Variants in CWC27 observed in about 807,000 individuals in gnomAD.
CWC27 encodes spliceosome-associated protein CWC27 homolog.
A neutral mutation model predicts 63.6 loss-of-function variants in CWC27; 47 were observed. That is an observed-to-expected ratio of 0.74 (90% CI 0.58 to 0.94). The LOEUF (loss-of-function observed/expected upper bound fraction) is 0.94, where lower values mean the gene tolerates loss of function less well. CWC27 is among the 40% of genes least tolerant of loss of function. The pLI is 0.00. For synonymous variants in CWC27, 175 were observed against 179.8 expected, an observed-to-expected ratio of 0.97 and a Z score of 0.22; for missense variants, 495 against 554.3, an observed-to-expected ratio of 0.89 and a Z score of 1.07.
chr5:64,804,190 A>G lies in CWC27; in HGVS notation c.781-39A>G, dbSNP rs376548134. On this transcript the variant is annotated intron_variant, in intron 9 of 13. Transcript: ENST00000381070. ...TAGATCTCTAGAAATGAAAGGGGAA[A>G]TTGAGCACCTGGCAAATACTCATTT... 92 of 1,550,506 alleles carry G rather than the reference A, an allele frequency of 5.9e-5. No homozygotes were observed. The African/African-American group carries it at 1.1e-3, about 19-fold the overall frequency.
intron 1 of CWC27, among the ~76,000 whole-genome samples, chr5:64,774,149 G>A (rs537876646): frequency 6.6e-6 from 1 of 152,082 alleles, no homozygotes; most frequent in Non-Finnish European, 1.5e-5. Context: ...CATTATTGGG[G>A]TTTTGTCATG....
intron 10 of CWC27, among the ~76,000 whole-genome samples, chr5:64,869,905 C>T (rs534106034): frequency 6.6e-6 from 1 of 151,902 alleles, no homozygotes; most frequent in Non-Finnish European, 1.5e-5. Flanking sequence ...TGGAAAAATA[C>T]AAAAACTTCC....
intron 11 of CWC27, among the ~76,000 whole-genome samples, chr5:64,901,013 C>T (rs1056516946): frequency 6.6e-6 from 1 of 151,008 alleles, no homozygotes; most frequent in Non-Finnish European, 1.5e-5. Context: ...TTTTTTTTAG[C>T]TCATCAGCTA....
At chr5:64,782,320 C>G (rs376718377) in intron 3 of CWC27, among the ~76,000 whole-genome samples, 5 of 151,970 alleles carry the variant, frequency 3.3e-5, no homozygotes, top group Non-Finnish European at 7.4e-5. Flanking sequence ...TGGTGGCACA[C>G]GCCTGTATTC....
At position 64,961,420 on chromosome 5, in the gene CWC27, C is replaced by T. The variant is rs866725039; in HGVS notation, c.1043-10283C>T. ...AGCCCTTTCATATATATATATATAT[C>T]TCCTATTTTTATCTCATACATAACT... On this transcript the variant is annotated intron_variant, in intron 11 of 13. Coordinates refer to ENST00000381070, the MANE Select transcript of CWC27 (RefSeq NM_005869.4). Among the ~76,000 whole-genome samples the T allele has an allele frequency of 2.8e-4, 43 of 151,558 alleles. No homozygotes were observed. The Middle Eastern group carries it at 0.01, about 36-fold the overall frequency.
chr5:64,982,147 A>G (rs1398830432), intron 13 of CWC27, among the ~76,000 whole-genome samples: 1 of 152,204 alleles, frequency 6.6e-6, no homozygotes, highest in Non-Finnish European at 1.5e-5. Context: ...CAGATGTAAA[A>G]AAGAGATTAT....
intron 10 of CWC27, among the ~76,000 whole-genome samples, chr5:64,858,673 T>C (rs1419035426): frequency 6.6e-6 from 1 of 151,784 alleles, no homozygotes; most frequent in African/African-American, 2.4e-5. Flanking sequence ...TCAAATCATA[T>C]TCAGGGCAAT....
intron 11 of CWC27, among the ~76,000 whole-genome samples, chr5:64,961,968 A>G (rs773780393): frequency 3.9e-5 from 6 of 152,200 alleles, no homozygotes; most frequent in Non-Finnish European, 8.8e-5. Flanking sequence ...ATGAATAGTC[A>G]TTATAATGCA....
rs73760007 is a variant in CWC27 at position 64,961,096 on chromosome 5, T to A, written c.1043-10607T>A. On this transcript the variant is annotated intron_variant, in intron 11 of 13. Transcript: ENST00000381070. ...TAGCCAATGAAGAGACTCAAGTGGA[T>A]TGAAGATTAAGTTTCTGACTAGCTC... Among the ~76,000 whole-genome samples, 570 of 152,274 alleles carry A rather than the reference T, an allele frequency of 3.7e-3. 5 individuals are homozygous for A. The highest frequency in any genetic ancestry group is 0.013 in the African/African-American group (536 of 41,550).
At chr5:64,791,864 A>AT (rs1744091155) in intron 7 of CWC27, among the ~76,000 whole-genome samples, 1 of 151,866 alleles carries the variant, frequency 6.6e-6, no homozygotes, top group African/African-American at 2.4e-5. Context: ...TTTTTCATAT[A>AT]TTTTTTCATT....
intron 10 of CWC27, among the ~76,000 whole-genome samples, chr5:64,873,760 C>T (rs979574581): frequency 6.6e-6 from 1 of 152,022 alleles, no homozygotes; most frequent in African/African-American, 2.4e-5. Context: ...TGCCCTAAAC[C>T]AATGTCCTGA....
At chr5:64,951,771 T>G (rs1429415146) in intron 11 of CWC27, among the ~76,000 whole-genome samples, 1 of 151,990 alleles carries the variant, frequency 6.6e-6, no homozygotes, top group Non-Finnish European at 1.5e-5. Context: ...ATCTTTTCAC[T>G]TAGCACAATG....
intron 11 of CWC27, among the ~76,000 whole-genome samples, chr5:64,915,155 G>T (rs1426958842): frequency 6.6e-6 from 1 of 152,144 alleles, no homozygotes; most frequent in Non-Finnish European, 1.5e-5. Context: ...GTTTTCAGAA[G>T]AAAGTTTGTT....
At chr5:64,936,619 G>A (rs535773837) in intron 11 of CWC27, among the ~76,000 whole-genome samples, 75 of 152,312 alleles carry the variant, frequency 4.9e-4, no homozygotes, top group African/African-American at 1.7e-3. Flanking sequence ...CTGATAAAAT[G>A]AGTTAGGGAG....
At position 64,829,990 on chromosome 5, in the gene CWC27, T is replaced by C. The variant is rs1342998593; in HGVS notation, c.938+25604T>C. Among the ~76,000 whole-genome samples the C allele has an allele frequency of 2.6e-5, 4 of 151,106 alleles. No homozygotes were observed. In the South Asian group the frequency reaches 8.4e-4, roughly 32 times the overall value. On this transcript the variant is annotated intron_variant, in intron 10 of 13. Transcript: ENST00000381070. ...ACATGAACTCATCTTTTTTTTTTTTTTCGCTATGCCATTTTTTTTTCTTTT... is the reference window on the plus strand; with the variant it reads ...ACATGAACTCATCTTTTTTTTTTTTCTCGCTATGCCATTTTTTTTTCTTTT...
At chr5:64,917,877 G>A (rs1465503955) in intron 11 of CWC27, among the ~76,000 whole-genome samples, 1 of 151,932 alleles carries the variant, frequency 6.6e-6, no homozygotes, top group Non-Finnish European at 1.5e-5. Context: ...CTTGCTGACT[G>A]CAGACCTTGA....
intron 11 of CWC27, among the ~76,000 whole-genome samples, chr5:64,904,073 G>T (rs1377979738): frequency 1.3e-5 from 2 of 152,150 alleles, no homozygotes; most frequent in Non-Finnish European, 2.9e-5. Context: ...GCCTTCATGA[G>T]CAGTCTCCTC....
chr5:64,862,857 G>A (rs2112313497), intron 10 of CWC27, among the ~76,000 whole-genome samples: 1 of 152,244 alleles, frequency 6.6e-6, no homozygotes, highest in South Asian at 2.1e-4. Context: ...TGTCTCGTGA[G>A]GGCCTATTTC....
chr5:65,006,491 A>G (rs1749844217), intron 13 of CWC27, among the ~76,000 whole-genome samples: 2 of 152,144 alleles, frequency 1.3e-5, no homozygotes, highest in Non-Finnish European at 2.9e-5. Flanking sequence ...ACCTGGCAAT[A>G]GCCTTTATAA....
Sources: allele counts gnomAD v4.1 joint callset (sites outside exome capture counted in the v4.1 genomes callset), GRCh38; gene constraint gnomAD v4.1.1; transcripts MANE v1.5; gene names NCBI Gene and HGNC (gene_info 2026-07-23, HGNC 2026-07-21).